POMGNT1: variants seen among roughly 807,000 people sequenced by gnomAD.
POMGNT1 encodes protein O-linked mannose N-acetylglucosaminyltransferase 1 (beta 1,2-).
In POMGNT1, 67 loss-of-function variants were observed where a neutral mutation model predicts 95.6. The observed-to-expected ratio is 0.70, with a 90% confidence interval of 0.58 to 0.86. The LOEUF (loss-of-function observed/expected upper bound fraction) is 0.86. Ranked by LOEUF, POMGNT1 falls within the 40% of genes least tolerant of loss-of-function variation. The probability of loss-of-function intolerance (pLI) is 0.00; values close to 1 mark genes in which losing one functional copy is unlikely to be tolerated. For missense variants in POMGNT1, 719 were observed against 855.2 expected (o/e 0.84, Z 1.99); for synonymous variants, 298 against 317.9 (o/e 0.94, Z 0.66).
In POMGNT1 at chr1:46,197,828, T is replaced by C. The variant is rs772323897; in HGVS notation, c.-7A>G. On this transcript the variant is annotated 5_prime_UTR_variant, in exon 2 of 22. Transcript: ENST00000371984. ...TGGGCTTCCAGTCGTCCATACCGGA[T>C]TGGCGGGTCACCAATGTCCTGGCCA... is the stretch of plus-strand genomic sequence containing the variant. 25 of 1,613,736 alleles carry C rather than the reference T, an allele frequency of 1.5e-5. No individual in the cohort carries two copies. In the Admixed American group the frequency reaches 1.7e-4, roughly 11 times the overall value.
chr1:46,204,384 C>A (rs954707488), intron 1 of POMGNT1, among the ~76,000 whole-genome samples: 1 of 152,188 alleles, frequency 6.6e-6, no homozygotes, highest in African/African-American at 2.4e-5. Context: ...GCAGCCGAGG[C>A]CCTGGCAGGT....
At chr1:46,214,716 A>G (rs1659010002) in intron 1 of POMGNT1, among the ~76,000 whole-genome samples, 1 of 151,952 alleles carries the variant, frequency 6.6e-6, no homozygotes, top group Non-Finnish European at 1.5e-5. Context: ...AAATACAAAA[A>G]TCAGCCAGAT....
At chr1:46,215,066 G>C (rs1210112355) in intron 1 of POMGNT1, among the ~76,000 whole-genome samples, 1 of 151,556 alleles carries the variant, frequency 6.6e-6, no homozygotes, top group Non-Finnish European at 1.5e-5. Flanking sequence ...CTGTACTAAA[G>C]ATACAAAAAA....
Position 46,195,903 on chromosome 1 carries a change from C to A in POMGNT1, c.442G>T (p.Val148Leu), listed in dbSNP as rs770366321. The A allele has an allele frequency of 2.0e-5, 32 of 1,613,908 alleles. No homozygotes were observed. The highest frequency in any genetic ancestry group is 2.6e-5 in the Non-Finnish European group (31 of 1,179,980). ...QATGHVMAKR[V>L]FDTYSPHEDE... ...TCATGAGGTGAGTACGTGTCAAACA[C>A]ACGTTTTGCCATCACGTGGCCCTGG... is the stretch of plus-strand genomic sequence containing the variant. The change falls in exon 6 of 22, where the codon GTG becomes TTG. Residue 148 changes from valine (V) to leucine (L), a missense_variant. By Grantham distance (32) the Val-to-Leu change is conservative (BLOSUM62 1). Coordinates refer to ENST00000371984, the MANE Select transcript of POMGNT1 (RefSeq NM_017739.4).
At chr1:46,195,445 T>C in intron 6 of POMGNT1, 1 of 378,144 alleles carries the variant, frequency 2.6e-6, no homozygotes, top group Non-Finnish European at 5.1e-6. Context: ...AAATGTCCCC[T>C]CCCCTCTATC....
In POMGNT1 at chr1:46,197,389, C is replaced by T. The variant is rs1324440892; in HGVS notation, c.121-305G>A. The T allele has an allele frequency of 5.4e-6, 8 of 1,485,464 alleles. No individual in the cohort carries two copies. The Admixed American group carries it at 1.4e-4, about 26-fold the overall frequency. The allele number at this position is 1,485,464 out of a possible 1,614,324, so 92.0% of individuals were successfully genotyped here. ...TTGGTTTCTAGAGATGGAGCCAGGCCCAGGGACCCAAGCGGGGGATCAGAC... is the reference window on the plus strand; with the variant it reads ...TTGGTTTCTAGAGATGGAGCCAGGCTCAGGGACCCAAGCGGGGGATCAGAC... On this transcript the variant is annotated intron_variant, in intron 2 of 21. Coordinates refer to ENST00000371984, the MANE Select transcript of POMGNT1 (RefSeq NM_017739.4).
chr1:46,206,862 G>C (rs1658733021), intron 1 of POMGNT1, among the ~76,000 whole-genome samples: 1 of 152,192 alleles, frequency 6.6e-6, no homozygotes, highest in Non-Finnish European at 1.5e-5. Flanking sequence ...CTCTCAGGGA[G>C]CTCACAGTCT....
Position 46,196,049 on chromosome 1 carries a change from C to A in POMGNT1, c.383G>T (p.Gly128Val). 1 of 1,613,962 alleles carries A rather than the reference C, an allele frequency of 6.2e-7. No individual in the cohort carries two copies. The highest frequency in any genetic ancestry group is 8.5e-7 in the Non-Finnish European group (1 of 1,180,012). The change falls in exon 5 of 22, where the codon GGC becomes GTC. Residue 128 changes from glycine (G) to valine (V), a missense_variant. Gly to Val is a moderately radical substitution (Grantham distance 109). Transcript: ENST00000371984. This position sits in a 1 kb window ranked among gnomAD's most constrained non-coding sequence, Gnocchi z 4.4. Reference sequence around the variant, plus strand: ...GAGGACAATGACATGGATGCCCCGGCCCTGCTCCCGGGCCTCATCCTCCAG... The same window carrying A: ...GAGGACAATGACATGGATGCCCCGGACCTGCTCCCGGGCCTCATCCTCCAG... ...TVLEDEAREQGRGIHVIVLNQ... is the reference protein window; with the variant it reads ...TVLEDEAREQVRGIHVIVLNQ...
chr1:46,192,680 G>A, intron 14 of POMGNT1, 90 bp from the exon 15 acceptor site: 1 of 1,601,240 alleles, frequency 6.2e-7, no homozygotes, highest in African/African-American at 1.3e-5. Flanking sequence ...TGGGTCTCAG[G>A]AGCACCTCCT....
At chr1:46,190,912 C>T in intron 17 of POMGNT1, 128 bp from the exon 18 acceptor site, 2 of 865,810 alleles carry the variant, frequency 2.3e-6, no homozygotes, top group African/African-American at 1.7e-5. Flanking sequence ...TCTAATTTCC[C>T]ACCGTCTTCT....
At chr1:46,207,577 C>T (rs965350518) in intron 1 of POMGNT1, among the ~76,000 whole-genome samples, 23 of 151,196 alleles carry the variant, frequency 1.5e-4, no homozygotes, top group Admixed American at 1.4e-3. Flanking sequence ...CTCGCTCTGT[C>T]GCCCAGGCTG....
chr1:46,199,251 A>AT (rs1306815257), upstream of POMGNT1, among the ~76,000 whole-genome samples: 1 of 152,172 alleles, frequency 6.6e-6, no homozygotes, highest in Non-Finnish European at 1.5e-5. Context: ...TATAGGCGCT[A>AT]TTACTATCCC....
intron 1 of POMGNT1, among the ~76,000 whole-genome samples, chr1:46,209,270 C>A (rs1045391941): frequency 1.3e-5 from 2 of 151,972 alleles, no homozygotes; most frequent in African/African-American, 4.8e-5. Context: ...GTGATCCATC[C>A]GCCTTGGCCT....
Position 46,196,766 on chromosome 1 carries a change from G to T in POMGNT1, c.319C>A (p.Arg107Ser), listed in dbSNP as rs375420073. The change falls in exon 4 of 22, where the codon CGC becomes AGC. Residue 107 changes from arginine (R) to serine (S), a missense_variant. Transcript: ENST00000371984. The surrounding 1 kb of genome is among the most constrained non-coding windows in gnomAD (Gnocchi z 4.4). The stretch of plus-strand genomic sequence containing the variant: ...TCCACTGCCACATATACTTTGCTGC[G>T]ACTTGAATACACCTCTACGTCCAGG... ...RVLDVEVYSS[R>S]SKVYVAVDGT... The T allele has an allele frequency of 4.0e-5, 65 of 1,614,072 alleles. No individual in the cohort carries two copies. The highest frequency in any genetic ancestry group is 1.6e-4 in the Middle Eastern group (1 of 6,084).
Position 46,194,661 on chromosome 1 carries a change from G to A in POMGNT1, c.653-10C>T, listed in dbSNP as rs1658075924. 6.2e-7 allele frequency: 1 copy of A among 1,614,154 alleles called. No homozygotes were observed. The highest frequency in any genetic ancestry group is 1.3e-5 in the African/African-American group (1 of 74,954). On this transcript the variant is annotated splice_polypyrimidine_tract_variant and intron_variant, in intron 7 of 21. Coordinates refer to ENST00000371984, the MANE Select transcript of POMGNT1 (RefSeq NM_017739.4). ...TCCCCGAAGACAGGACCTGGCAGGA[G>A]GCAGGAATGAGGGCCATGGGGGCCC...
In POMGNT1 at chr1:46,194,853, G is replaced by T. The variant is rs386834034; in HGVS notation, c.643C>A (p.Arg215=). 1 of 1,613,914 alleles carries T rather than the reference G, an allele frequency of 6.2e-7. No homozygotes were observed. The highest frequency in any genetic ancestry group is 8.5e-7 in the Non-Finnish European group (1 of 1,179,962). Residue 215 remains arginine (R), a synonymous_variant, in exon 7 of 22, where the codon CGA becomes AGA. Transcript: ENST00000371984. ...CCTCTGATGCCGGCACCTCCTTTTC[G>T]TCCCACGAAGGCCCATGTGTCCCTC... ...GWRDTWAFVG[R]KGGPVFGEKH...
upstream of POMGNT1, among the ~76,000 whole-genome samples, chr1:46,202,429 A>G (rs1658560844): frequency 1.3e-5 from 2 of 152,080 alleles, no homozygotes; most frequent in South Asian, 2.1e-4. Context: ...GCAGTGGCTC[A>G]CACCTGTAAT....
chr1:46,216,210 C>T (rs1474849150), intron 1 of POMGNT1, among the ~76,000 whole-genome samples: 4 of 151,970 alleles, frequency 2.6e-5, no homozygotes, highest in African/African-American at 9.7e-5. Context: ...CCTCGCCCAG[C>T]TAATTTTTTG....
intron 1 of POMGNT1, among the ~76,000 whole-genome samples, chr1:46,215,130 G>A (rs958244988): frequency 1.3e-5 from 2 of 151,128 alleles, no homozygotes; most frequent in African/African-American, 4.9e-5. Flanking sequence ...GGAGGCTGAG[G>A]CAGGAGAATG....
Sources: allele counts gnomAD v4.1 joint callset (sites outside exome capture counted in the v4.1 genomes callset), GRCh38; gene constraint gnomAD v4.1.1; non-coding constraint Gnocchi (gnomAD v3.1); transcripts MANE v1.5; gene names NCBI Gene and HGNC (gene_info 2026-07-23, HGNC 2026-07-21).